PARG: variants seen among roughly 807,000 people sequenced by gnomAD.
The protein encoded by PARG is poly(ADP-ribose) glycohydrolase.
Under a neutral mutation model 113.0 loss-of-function variants are expected in PARG, and 35 were observed. That is an observed-to-expected ratio of 0.31 (90% CI 0.24 to 0.41). PARG has a LOEUF of 0.41. Among genes scored for constraint, PARG ranks in the 10% least tolerant of loss-of-function variants. The pLI is 1.00. For synonymous variants in PARG, 330 were observed against 409.9 expected (o/e 0.81, Z 2.36); for missense variants, 797 against 1,169.4 (o/e 0.68, Z 4.64).
chr10:49,908,541 G>A (rs1414885149), intron 7 of PARG: 1 of 152,176 alleles, frequency 6.6e-6, no homozygotes, highest in East Asian at 1.9e-4. Context: ...AGGTTCGAAA[G>A]CTAGAGAGAT....
At chr10:49,840,230 A>G (rs999296648) in intron 15 of PARG, among the ~76,000 whole-genome samples, 1 of 152,112 alleles carries the variant, frequency 6.6e-6, no homozygotes, top group Non-Finnish European at 1.5e-5. Flanking sequence ...TGTATCTAAA[A>G]AAGAAAAATT....
At chr10:49,920,614 A>G (rs1237872143) in intron 6 of PARG, among the ~76,000 whole-genome samples, 131 of 145,720 alleles carry the variant, frequency 9.0e-4, no homozygotes, top group Non-Finnish European at 1.7e-3. Flanking sequence ...GTACATATAT[A>G]CGTATATATA....
chr10:49,886,737 A>AAT (rs1847507062), intron 7 of PARG, among the ~76,000 whole-genome samples: 1 of 152,186 alleles, frequency 6.6e-6, no homozygotes, highest in Non-Finnish European at 1.5e-5. Context: ...CGGAGGTAGA[A>AAT]ATGATGTTTG....
intron 10 of PARG, among the ~76,000 whole-genome samples, chr10:49,868,020 C>T (rs1465390980): frequency 6.6e-6 from 1 of 152,154 alleles, no homozygotes; most frequent in Admixed American, 6.5e-5. Flanking sequence ...CAGAGTCTTG[C>T]TCTGTCGCCC....
At chr10:49,914,678 C>T (rs2132839190) in intron 7 of PARG, among the ~76,000 whole-genome samples, 1 of 152,320 alleles carries the variant, frequency 6.6e-6, no homozygotes, top group South Asian at 2.1e-4. Context: ...AGGACACACA[C>T]TTCCTGATTT....
At chr10:49,862,211 T>C (rs559332665) in intron 11 of PARG, among the ~76,000 whole-genome samples, 1 of 151,950 alleles carries the variant, frequency 6.6e-6, no homozygotes, top group African/African-American at 2.4e-5. Context: ...GAAGGCATAA[T>C]TATTTTCTTT....
intron 15 of PARG, among the ~76,000 whole-genome samples, chr10:49,836,580 T>C (rs1297304591): frequency 6.6e-6 from 1 of 152,218 alleles, no homozygotes; most frequent in Non-Finnish European, 1.5e-5. Context: ...ATTGTTATTC[T>C]GATTCTATAT....
At chr10:49,828,175 T>A (rs1162825244) in intron 16 of PARG, among the ~76,000 whole-genome samples, 3 of 138,174 alleles carry the variant, frequency 2.2e-5, no homozygotes, top group African/African-American at 7.8e-5. Context: ...TCTACAAAAT[T>A]ATGACTTTTT....
Position 49,879,669 on chromosome 10 carries a change from A to T in PARG, c.1988+4T>A. 6.6e-7 allele frequency: 1 copy of T among 1,505,266 alleles called. No individual in the cohort carries two copies. Among genetic ancestry groups the T allele is most frequent in the Non-Finnish European group, 9.0e-7 (1 of 1,112,220 alleles). 93.2% of individuals were successfully genotyped at this position (1,505,266 alleles called of 1,614,324 possible). ...TGTTAAAGAGGTGTTTTCTGAAAAC[A>T]TACCGATTGAAGTTAATGTCTGGGT... On this transcript the variant is annotated splice_donor_region_variant and intron_variant, in intron 9 of 17. Coordinates refer to ENST00000616448, the MANE Select transcript of PARG (RefSeq NM_003631.5).
chr10:49,938,733 T>C (rs1244148559), intron 1 of PARG, among the ~76,000 whole-genome samples: 1 of 152,170 alleles, frequency 6.6e-6, no homozygotes, highest in African/African-American at 2.4e-5. Context: ...CCAGCAAAAT[T>C]AGCGATTTCA....
In PARG at chr10:49,885,703, A is replaced by G. The variant is rs577953312; in HGVS notation, c.1738-408T>C. ...AGCCCCCAAGGACCCATCTAGTTTC[A>G]ATGGTCTACAATTGAAGAAATCTCC... On this transcript the variant is annotated intron_variant, in intron 7 of 17. Coordinates refer to ENST00000616448, the MANE Select transcript of PARG (RefSeq NM_003631.5). 3.7e-4 allele frequency among the ~76,000 whole-genome samples: 57 copies of G among 152,356 alleles called. 1 individual carries two copies. The highest frequency in any genetic ancestry group is 1.3e-3 in the African/African-American group (55 of 41,590).
chr10:49,835,687 A>G (rs546796825), intron 15 of PARG, among the ~76,000 whole-genome samples: 83 of 152,234 alleles, frequency 5.5e-4, no homozygotes, highest in Non-Finnish European at 1.0e-3. Context: ...ACAGGCCCAA[A>G]ATGAGGCCCA....
intron 15 of PARG, 53 bp from the exon 16 acceptor site, chr10:49,832,961 T>C: frequency 1.1e-6 from 1 of 911,064 alleles, no homozygotes; most frequent in Non-Finnish European, 1.7e-6. Flanking sequence ...ACTAACAGTG[T>C]TTCTGACTGA....
intron 7 of PARG, among the ~76,000 whole-genome samples, chr10:49,892,964 G>T (rs11101243): frequency 0.01 from 1,570 of 152,262 alleles, 54 homozygotes; most frequent in East Asian, 0.093. Flanking sequence ...TCCACAATTT[G>T]TTTATTCATT....
Position 49,885,188 on chromosome 10 carries a change from GC to G in PARG, c.1830+14del. 1 of 1,378,454 alleles carries G rather than the reference GC, an allele frequency of 7.3e-7. No homozygotes were observed. 85.4% of individuals were successfully genotyped at this position (1,378,454 alleles called of 1,614,324 possible). On this transcript the variant is annotated intron_variant, in intron 8 of 17. Transcript: ENST00000616448. ...CAGTCTCAGGGAAGCTACTGAGGAA[GC>G]TACATCCACTAACCTGGGTGCAAAT...
chr10:49,914,142 A>G (rs1311163565), intron 7 of PARG, among the ~76,000 whole-genome samples: 1 of 152,204 alleles, frequency 6.6e-6, no homozygotes, highest in African/African-American at 2.4e-5. Context: ...ACAAATGACT[A>G]CTTCATAGCA....
At chr10:49,938,114 G>T (rs1838836789) in intron 1 of PARG, among the ~76,000 whole-genome samples, 1 of 152,216 alleles carries the variant, frequency 6.6e-6, no homozygotes, top group Non-Finnish European at 1.5e-5. Flanking sequence ...CTTGGATTGA[G>T]ATCTTTGTTC....
intron 6 of PARG, among the ~76,000 whole-genome samples, chr10:49,916,371 C>A (rs1837472426): frequency 1.3e-5 from 2 of 152,114 alleles, no homozygotes; most frequent in South Asian, 4.1e-4. Context: ...CACAGACATA[C>A]ACAGCAGATT....
chr10:49,843,772 C>A, intron 13 of PARG, 140 bp from the exon 14 acceptor site: 2 of 603,336 alleles, frequency 3.3e-6, no homozygotes, highest in South Asian at 2.2e-5. Context: ...AGAAAATAAA[C>A]AAAAAGGCAT....
Sources: allele counts gnomAD v4.1 joint callset (sites outside exome capture counted in the v4.1 genomes callset), GRCh38; gene constraint gnomAD v4.1.1; transcripts MANE v1.5; gene names NCBI Gene and HGNC (gene_info 2026-07-23, HGNC 2026-07-21).